Variants in THAP4 observed in about 807,000 individuals in gnomAD.
The protein encoded by THAP4 is peroxynitrite isomerase THAP4.
Under a neutral mutation model 48.1 loss-of-function variants are expected in THAP4, and 18 were observed. The ratio of observed to expected loss-of-function variants is 0.37; its 90% confidence interval spans 0.26 to 0.56. THAP4 has a LOEUF of 0.56. Among genes scored for constraint, THAP4 ranks in the 20% least tolerant of loss-of-function variants. The pLI is 0.78. For missense variants in THAP4, 656 were observed against 774.9 expected, an observed-to-expected ratio of 0.85 and a Z score of 1.82; for synonymous variants, 345 against 324.9, an observed-to-expected ratio of 1.06 and a Z score of -0.66.
At chr2:241,590,771 A>G (rs2066960092) in intron 5 of THAP4, among the ~76,000 whole-genome samples, 1 of 151,472 alleles carries the variant, frequency 6.6e-6, no homozygotes, top group African/African-American at 2.4e-5. Flanking sequence ...GCTGATGATG[A>G]GGGGCACTAG....
At chr2:241,605,186 C>A (rs2067164006) in intron 3 of THAP4, among the ~76,000 whole-genome samples, 1 of 151,990 alleles carries the variant, frequency 6.6e-6, no homozygotes, top group Non-Finnish European at 1.5e-5. Flanking sequence ...TGCATTCAAT[C>A]AATAATAATA....
At chr2:241,615,264 G>A (rs900552248) in intron 2 of THAP4, among the ~76,000 whole-genome samples, 17 of 152,166 alleles carry the variant, frequency 1.1e-4, no homozygotes, top group African/African-American at 1.7e-4. Flanking sequence ...CTGCACAAGC[G>A]CCTGCACCTG....
chr2:241,627,304 G>A (rs1176278011), intron 2 of THAP4, among the ~76,000 whole-genome samples: 1 of 152,206 alleles, frequency 6.6e-6, no homozygotes, highest in East Asian at 1.9e-4. Flanking sequence ...AAAGAAAACA[G>A]ATTTTGAAGC....
intron 2 of THAP4, among the ~76,000 whole-genome samples, chr2:241,625,924 T>A (rs1042373021): frequency 2.0e-5 from 3 of 151,894 alleles, no homozygotes; most frequent in African/African-American, 7.3e-5. Context: ...TAAAAAGAAT[T>A]ATTTGCCATG....
At chr2:241,617,568 TGAAAGATCACGTCTCAGAAGAAAGTAAAA>T in intron 2 of THAP4, 2 of 1,058,128 alleles carry the variant, frequency 1.9e-6, no homozygotes, top group East Asian at 5.4e-5. Context: ...AGTTCCACTA[TGAAAGATCACGTCTCAGAAGAAAGTAAAA>T]GACAATGACA....
At chr2:241,586,424 A>C (rs2066897804) in intron 5 of THAP4, among the ~76,000 whole-genome samples, 2 of 152,166 alleles carry the variant, frequency 1.3e-5, no homozygotes, top group African/African-American at 2.4e-5. Flanking sequence ...AACAGGCAGA[A>C]GCACAGAACT....
chr2:241,584,999 A>G, intron 5 of THAP4: 1 of 403,326 alleles, frequency 2.5e-6, no homozygotes, highest in South Asian at 2.7e-5. Context: ...AACGCACCTG[A>G]TCTCGTCTGA....
At chr2:241,635,198 C>T (rs1471219949) in intron 1 of THAP4, among the ~76,000 whole-genome samples, 2 of 152,010 alleles carry the variant, frequency 1.3e-5, no homozygotes, top group South Asian at 4.1e-4. Context: ...GATGGGAGGA[C>T]CACTTGGGTC....
chr2:241,636,072 G>A (rs1271036166), intron 1 of THAP4, among the ~76,000 whole-genome samples: 2 of 152,168 alleles, frequency 1.3e-5, no homozygotes, highest in Admixed American at 6.5e-5. Flanking sequence ...TAGGACACAA[G>A]CTCTGAAGGA....
At chr2:241,609,069 G>A (rs1269044128) in intron 2 of THAP4, among the ~76,000 whole-genome samples, 17 of 152,234 alleles carry the variant, frequency 1.1e-4, no homozygotes, top group Non-Finnish European at 1.0e-4. Flanking sequence ...GGCTGAGTGG[G>A]AGGGACGAGG....
intron 1 of THAP4, among the ~76,000 whole-genome samples, chr2:241,636,221 G>A (rs1314077509): frequency 6.6e-6 from 1 of 152,144 alleles, no homozygotes; most frequent in Admixed American, 6.5e-5. Context: ...TGCCATTCCC[G>A]TCTTTAAAAC....
chr2:241,602,904 C>T (rs1274527870), intron 4 of THAP4, 66 bp downstream of exon 4: 19 of 1,246,536 alleles, frequency 1.5e-5, no homozygotes, highest in Non-Finnish European at 2.0e-5. Context: ...ATCCCTGCAC[C>T]CCTGCTTCGA....
At chr2:241,617,540 G>A in intron 2 of THAP4, 3 of 1,331,850 alleles carry the variant, frequency 2.3e-6, no homozygotes, top group East Asian at 2.5e-5. Flanking sequence ...ACTTTAAATG[G>A]TGCATTCTGG....
At position 241,601,150 on chromosome 2, in the gene THAP4, T is replaced by C. The variant is rs569946414; in HGVS notation, c.1614+746A>G. Among the ~76,000 whole-genome samples the C allele has an allele frequency of 6.6e-6, 1 of 152,094 alleles. No individual in the cohort carries two copies. Among genetic ancestry groups the C allele is most frequent in the South Asian group, 2.1e-4 (1 of 4,814 alleles). On this transcript the variant is annotated intron_variant, in intron 5 of 5. Transcript: ENST00000407315. This position sits in a 1 kb window ranked among gnomAD's most constrained non-coding sequence, Gnocchi z 4.0. ...AAAATTAGCCAGGCGTGGTGGCGCA[T>C]GCCTGTAATCCCAGCTACCCAGGAG...
At chr2:241,602,358 GTTTT>G (rs1443927907) in intron 4 of THAP4, among the ~76,000 whole-genome samples, 2 of 144,302 alleles carry the variant, frequency 1.4e-5, no homozygotes, top group African/African-American at 2.5e-5. Flanking sequence ...ACGCAGGCTG[GTTTT>G]TTTTTTTTTC....
In THAP4 at chr2:241,636,986, GA is replaced by G; in HGVS notation, c.31del (p.Ser11ProfsTer19). On this transcript the variant is annotated frameshift_variant, in exon 1 of 6. Transcript: ENST00000407315. LOFTEE classifies it high-confidence loss of function. ...CTTCTCGCCCTTTCCCTGCCGGTTG[GA>G]GCAGTTCACGGCCGCACAGCAGATC... MVICCAAVNC[S>X]NRQGKGEKRA... The G allele has an allele frequency of 7.5e-7, 1 of 1,330,728 alleles. No individual in the cohort carries two copies. The highest frequency in any genetic ancestry group is 9.8e-7 in the Non-Finnish European group (1 of 1,017,772). The allele number at this position is 1,330,728 out of a possible 1,614,324, so 82.4% of individuals were successfully genotyped here.
intron 2 of THAP4, 69 bp downstream of exon 2, chr2:241,632,848 C>T (rs2067582886): frequency 6.2e-6 from 8 of 1,299,386 alleles, no homozygotes; most frequent in African/African-American, 3.0e-5. Context: ...TCAGGGGACG[C>T]TGGCCACCTT....
chr2:241,636,422 G>A (rs1010788013), intron 1 of THAP4, among the ~76,000 whole-genome samples: 3 of 152,202 alleles, frequency 2.0e-5, no homozygotes, highest in African/African-American at 7.2e-5. Flanking sequence ...CCCCGGGCCA[G>A]GCTCTAAGGG....
At chr2:241,631,700 A>C (rs1408681693) in intron 2 of THAP4, among the ~76,000 whole-genome samples, 1 of 152,188 alleles carries the variant, frequency 6.6e-6, no homozygotes, top group Non-Finnish European at 1.5e-5. Context: ...TCTGGACTCA[A>C]GTAACCTTCC....
Sources: allele counts gnomAD v4.1 joint callset (sites outside exome capture counted in the v4.1 genomes callset), GRCh38; gene constraint gnomAD v4.1.1; non-coding constraint Gnocchi (gnomAD v3.1); transcripts MANE v1.5; gene names NCBI Gene and HGNC (gene_info 2026-07-23, HGNC 2026-07-21).